The following PACS1 variants were observed in gnomAD, a reference collection of about 807,000 sequenced individuals.
PACS1 encodes phosphofurin acidic cluster sorting protein 1.
PACS1 carries 24 observed loss-of-function variants against 115.0 expected under a neutral mutation model. That is an observed-to-expected ratio of 0.21 (90% CI 0.15 to 0.29). The LOEUF (loss-of-function observed/expected upper bound fraction) is 0.29, where lower values mean the gene tolerates loss of function less well. Among genes scored for constraint, PACS1 ranks in the 10% least tolerant of loss-of-function variants. The pLI, the probability that PACS1 is intolerant of heterozygous loss-of-function variation, is 1.00. For missense variants in PACS1, 838 were observed against 1,251.2 expected, an observed-to-expected ratio of 0.67 and a Z score of 4.98; for synonymous variants, 453 against 504.5, an observed-to-expected ratio of 0.90 and a Z score of 1.37.
At chr11:66,216,862 C>CTTATTTTTTTTTTTTTTTTTTTTTTTT in intron 7 of PACS1, 87 bp downstream of exon 7, 24 of 849,768 alleles carry the variant, frequency 2.8e-5, no homozygotes, top group East Asian at 5.5e-5. Context: ...CTAGTGGAGA[C>CTTATTTTTTTTTTTTTTTTTTTTTTTT]TTCTTAAAAT....
chr11:66,212,500 G>A (rs1855099675), intron 4 of PACS1, among the ~76,000 whole-genome samples: 1 of 150,726 alleles, frequency 6.6e-6, no homozygotes, highest in South Asian at 2.1e-4. Context: ...CAAACTCCCA[G>A]GCTCAAGCAA....
intron 1 of PACS1, among the ~76,000 whole-genome samples, chr11:66,127,054 G>A (rs895449590): frequency 2.6e-5 from 4 of 151,842 alleles, no homozygotes; most frequent in Non-Finnish European, 5.9e-5. Flanking sequence ...CCCATCCCAA[G>A]CTCATCATGG....
rs755615617 is a variant in PACS1 at position 66,235,438 on chromosome 11, G to A, written c.2207+35G>A. 11 of 1,435,188 alleles carry A rather than the reference G, an allele frequency of 7.7e-6. No homozygotes were observed. Among genetic ancestry groups the A allele is most frequent in the Non-Finnish European group, 1.1e-5 (11 of 1,017,612 alleles). The allele number at this position is 1,435,188 out of a possible 1,614,324, so 88.9% of individuals were successfully genotyped here. On this transcript the variant is annotated intron_variant, in intron 18 of 23. Coordinates refer to ENST00000320580, the MANE Select transcript of PACS1 (RefSeq NM_018026.4). The surrounding 1 kb of genome is among the most constrained non-coding windows in gnomAD (Gnocchi z 5.6). ...ACTTTGAGGGGTTTCTTAAAAATAG[G>A]TTGGGTGGGTTAGAGGAATCTTGAG...
chr11:66,145,452 T>C (rs1245515805), intron 1 of PACS1, among the ~76,000 whole-genome samples: 1 of 152,112 alleles, frequency 6.6e-6, no homozygotes, highest in Admixed American at 6.6e-5. Context: ...GTTCTGGTAG[T>C]GAGAGAGCTA....
intron 2 of PACS1, among the ~76,000 whole-genome samples, chr11:66,202,127 G>T (rs1416431415): frequency 6.6e-6 from 1 of 152,120 alleles, no homozygotes; most frequent in Non-Finnish European, 1.5e-5. Flanking sequence ...ATAAACTGGA[G>T]AACCTAGAAG....
intron 10 of PACS1, chr11:66,221,487 A>C: frequency 2.0e-6 from 1 of 501,586 alleles, no homozygotes; most frequent in Non-Finnish European, 3.6e-6. Flanking sequence ...CTCTACTAAA[A>C]ATACAAAAAT....
chr11:66,218,568 A>G (rs1435747652), intron 7 of PACS1: 1 of 152,308 alleles, frequency 6.6e-6, no homozygotes, highest in Non-Finnish European at 1.5e-5. Context: ...AAGATACCCT[A>G]TATAAAGACC....
intron 1 of PACS1, among the ~76,000 whole-genome samples, chr11:66,136,472 G>A (rs1242594286): frequency 1.3e-5 from 2 of 151,480 alleles, no homozygotes; most frequent in Non-Finnish European, 2.9e-5. Flanking sequence ...AAAGCTAGGA[G>A]TGATGAGCAC....
chr11:66,080,043 A>G (rs150151038), intron 1 of PACS1, among the ~76,000 whole-genome samples: 13 of 152,374 alleles, frequency 8.5e-5, no homozygotes, highest in African/African-American at 2.9e-4. Context: ...CTGGGAGTTT[A>G]TAAAGCTACT....
At chr11:66,216,042 G>A (rs1855200079) in intron 4 of PACS1, 77 bp from the exon 5 acceptor site, 1 of 1,415,802 alleles carries the variant, frequency 7.1e-7, no homozygotes, top group Non-Finnish European at 9.9e-7. Flanking sequence ...TGCCCCTGGG[G>A]TCTTGTGCAT....
chr11:66,155,714 C>T (rs1859334555), intron 1 of PACS1, among the ~76,000 whole-genome samples: 1 of 152,134 alleles, frequency 6.6e-6, no homozygotes, highest in African/African-American at 2.4e-5. Flanking sequence ...CTCAAGGATA[C>T]AGTAATTCCA....
chr11:66,183,542 ACTTGTCTTCTGTTC>A (rs763120976), intron 1 of PACS1, among the ~76,000 whole-genome samples: 5 of 152,322 alleles, frequency 3.3e-5, no homozygotes, highest in Non-Finnish European at 7.4e-5. Context: ...AATCCAGGTC[ACTTGTCTTCTGTTC>A]CTTGCATTTA....
Position 66,070,747 on chromosome 11 carries a change from C to T in PACS1, c.261C>T (p.Pro87=). 6.4e-7 allele frequency: 1 copy of T among 1,557,898 alleles called. No individual in the cohort carries two copies. The highest frequency in any genetic ancestry group is 8.6e-7 in the Non-Finnish European group (1 of 1,160,038). Reference sequence around the variant, plus strand: ...CGGTGGCCTCGGGCTCCGCGCCTCCCGGTGGCCCGGGGCCAGGCCGCACCC... The same window carrying T: ...CGGTGGCCTCGGGCTCCGCGCCTCCTGGTGGCCCGGGGCCAGGCCGCACCC... ...AVAVASGSAP[P]GGPGPGRTPA... The change falls in exon 1 of 24, where the codon CCC becomes CCT. Residue 87 remains proline, a synonymous_variant. Coordinates refer to ENST00000320580, the MANE Select transcript of PACS1 (RefSeq NM_018026.4). This position sits in a 1 kb window ranked among gnomAD's most constrained non-coding sequence, Gnocchi z 5.9.
At chr11:66,168,268 G>A (rs1443246511) in intron 1 of PACS1, among the ~76,000 whole-genome samples, 4 of 150,564 alleles carry the variant, frequency 2.7e-5, no homozygotes, top group Admixed American at 1.3e-4. Flanking sequence ...GATCGGTGTT[G>A]TATTAATTTT....
chr11:66,170,482 T>C (rs1256290554), intron 1 of PACS1, among the ~76,000 whole-genome samples: 1 of 150,536 alleles, frequency 6.6e-6, no homozygotes, highest in Non-Finnish European at 1.5e-5. Flanking sequence ...TATTGTCTGA[T>C]TTATATTATA....
At chr11:66,210,810 G>T (rs1296207453) in intron 3 of PACS1, among the ~76,000 whole-genome samples, 1 of 152,194 alleles carries the variant, frequency 6.6e-6, no homozygotes, top group Non-Finnish European at 1.5e-5. Context: ...CCTCTACTCC[G>T]TATCCCTCCT....
chr11:66,161,744 T>A (rs1297416399), intron 1 of PACS1, among the ~76,000 whole-genome samples: 3 of 152,234 alleles, frequency 2.0e-5, no homozygotes, highest in Non-Finnish European at 4.4e-5. Flanking sequence ...AGAAATTCAA[T>A]TGGCTACATT....
intron 2 of PACS1, among the ~76,000 whole-genome samples, chr11:66,208,935 G>A (rs915002957): frequency 4.6e-5 from 7 of 151,904 alleles, no homozygotes; most frequent in African/African-American, 7.3e-5. Flanking sequence ...GATGTTGTGG[G>A]GTTTTTTTTA....
chr11:66,211,686 C>T lies in PACS1; in HGVS notation c.660+427C>T, dbSNP rs73501939. On this transcript the variant is annotated intron_variant, in intron 4 of 23. Transcript: ENST00000320580. Reference sequence around the variant, plus strand: ...CCCATTACACGTTAATACTGCACCACGTTAATTTCCTTAACATGAGAATAC... The same window carrying T: ...CCCATTACACGTTAATACTGCACCATGTTAATTTCCTTAACATGAGAATAC... Among the ~76,000 whole-genome samples, 1,287 of 152,282 alleles carry T rather than the reference C, an allele frequency of 8.5e-3. 18 individuals carry two copies. The highest frequency in any genetic ancestry group is 0.029 in the African/African-American group (1,210 of 41,554).
Sources: allele counts gnomAD v4.1 joint callset (sites outside exome capture counted in the v4.1 genomes callset), GRCh38; gene constraint gnomAD v4.1.1; non-coding constraint Gnocchi (gnomAD v3.1); transcripts MANE v1.5; gene names NCBI Gene and HGNC (gene_info 2026-07-23, HGNC 2026-07-21).